Variants in ARHGAP42 observed in about 807,000 individuals in gnomAD.
ARHGAP42 encodes rho GTPase-activating protein 42.
In ARHGAP42, 63 loss-of-function variants were observed where a neutral mutation model predicts 125.0. The ratio of observed to expected loss-of-function variants is 0.50; its 90% CI spans 0.41 to 0.62. The LOEUF (loss-of-function observed/expected upper bound fraction) is 0.62, where lower values mean the gene tolerates loss of function less well. ARHGAP42 is among the 20% of genes least tolerant of loss of function. ARHGAP42 has a pLI of 0.00. For synonymous variants in ARHGAP42, 339 were observed against 351.0 expected, an observed-to-expected ratio of 0.97 and a Z score of 0.38; for missense variants, 766 against 1,024.2, an observed-to-expected ratio of 0.75 and a Z score of 3.44.
intron 4 of ARHGAP42, among the ~76,000 whole-genome samples, chr11:100,878,138 C>G (rs1865869255): frequency 6.8e-6 from 1 of 146,596 alleles, no homozygotes; most frequent in Non-Finnish European, 1.5e-5. Flanking sequence ...TTCTTTTTTT[C>G]TTTTTTTGAG....
At chr11:100,854,054 A>C (rs1238160376) in intron 3 of ARHGAP42, among the ~76,000 whole-genome samples, 6 of 152,148 alleles carry the variant, frequency 3.9e-5, no homozygotes, top group Non-Finnish European at 7.4e-5. Flanking sequence ...TCATGAGATA[A>C]GGACATATTA....
intron 17 of ARHGAP42, among the ~76,000 whole-genome samples, chr11:100,970,592 A>C (rs1202048320): frequency 6.6e-6 from 1 of 152,012 alleles, no homozygotes; most frequent in East Asian, 1.9e-4. Flanking sequence ...TTAAAAAAAA[A>C]ACAAACAGTC....
chr11:100,735,989 G>A (rs1862060306), intron 1 of ARHGAP42, among the ~76,000 whole-genome samples: 1 of 152,166 alleles, frequency 6.6e-6, no homozygotes, highest in East Asian at 1.9e-4. Flanking sequence ...GTAGTCATAT[G>A]TACTGTGTTC....
intron 21 of ARHGAP42, 107 bp downstream of exon 21, chr11:100,977,078 C>T: frequency 7.7e-7 from 1 of 1,301,536 alleles, no homozygotes; most frequent in African/African-American, 1.5e-5. Flanking sequence ...ATTGGGAATA[C>T]TTTATCTGTA....
At chr11:100,825,766 G>T (rs1159990072) in intron 3 of ARHGAP42, among the ~76,000 whole-genome samples, 1 of 152,130 alleles carries the variant, frequency 6.6e-6, no homozygotes, top group Non-Finnish European at 1.5e-5. Context: ...GTCTTTACAA[G>T]TCCAGCTTGT....
At chr11:100,726,667 A>G (rs1234878623) in intron 1 of ARHGAP42, among the ~76,000 whole-genome samples, 6 of 152,170 alleles carry the variant, frequency 3.9e-5, no homozygotes, top group Admixed American at 6.5e-5. Context: ...TCATATCTGT[A>G]ATTTACATGG....
At position 100,765,517 on chromosome 11, in the gene ARHGAP42, C is replaced by G. The variant is rs568855365; in HGVS notation, c.155-4826C>G. Among the ~76,000 whole-genome samples, 6 of 152,208 alleles carry G rather than the reference C, an allele frequency of 3.9e-5. No homozygotes were observed. In the East Asian group the frequency reaches 1.2e-3, roughly 29 times the overall value. On this transcript the variant is annotated intron_variant, in intron 1 of 23. Transcript: ENST00000298815. ...TGGGTGTGATGGCATCTAGTTCTTG[C>G]GGCTATTGTGAGGACTAATGGGTTA...
intron 3 of ARHGAP42, among the ~76,000 whole-genome samples, chr11:100,820,193 G>A (rs1389149443): frequency 2.0e-5 from 3 of 152,038 alleles, no homozygotes; most frequent in South Asian, 2.1e-4. Flanking sequence ...CTTTTTCTCT[G>A]TTTCATGACA....
intron 7 of ARHGAP42, among the ~76,000 whole-genome samples, chr11:100,935,124 T>C (rs1867697325): frequency 6.9e-6 from 1 of 144,332 alleles, no homozygotes; most frequent in Non-Finnish European, 1.5e-5. Flanking sequence ...AAAATTTTCC[T>C]AATTTTGAGA....
At chr11:100,864,524 C>T (rs1040563612) in intron 4 of ARHGAP42, among the ~76,000 whole-genome samples, 11 of 152,056 alleles carry the variant, frequency 7.2e-5, no homozygotes, top group Non-Finnish European at 1.6e-4. Context: ...TGTGGATAAA[C>T]AAATGTATGT....
At chr11:100,948,637 T>C (rs556378210) in intron 11 of ARHGAP42, 102 bp downstream of exon 11, 3 of 896,858 alleles carry the variant, frequency 3.3e-6, no homozygotes, top group South Asian at 2.7e-5. Flanking sequence ...TGTAGTATAA[T>C]TGAAAATATT....
chr11:100,850,884 T>C (rs1323314037), intron 3 of ARHGAP42, among the ~76,000 whole-genome samples: 2 of 91,626 alleles, frequency 2.2e-5, no homozygotes, highest in African/African-American at 3.1e-5. Flanking sequence ...TTTTTTTTTT[T>C]TTTTTTTTTT....
intron 4 of ARHGAP42, among the ~76,000 whole-genome samples, chr11:100,889,039 C>G (rs11600273): frequency 0.085 from 12,915 of 152,172 alleles, 654 homozygotes; most frequent in Non-Finnish European, 0.11. Context: ...GTGTTATATC[C>G]TCTCCTCTAC....
chr11:100,706,179 G>A (rs902424922), intron 1 of ARHGAP42, among the ~76,000 whole-genome samples: 1 of 152,036 alleles, frequency 6.6e-6, no homozygotes, highest in Non-Finnish European at 1.5e-5. Flanking sequence ...CCTTATCTGA[G>A]ATTTTGTGAT....
At chr11:100,837,666 CTTTTTTTTTTTTTTTTTTT>C (rs373059302) in intron 3 of ARHGAP42, among the ~76,000 whole-genome samples, 1 of 61,042 alleles carries the variant, frequency 1.6e-5, no homozygotes, top group South Asian at 7.2e-4. Flanking sequence ...AGGTGTCATC[CTTTTTTTTTTTTTTTTTTT>C]TTTTTTTTTT....
At chr11:100,933,292 G>A in intron 7 of ARHGAP42, 32 bp downstream of exon 7, 1 of 1,398,708 alleles carries the variant, frequency 7.1e-7, no homozygotes, top group Non-Finnish European at 9.7e-7. Flanking sequence ...CTGTCTCTCA[G>A]CAAATCTGCA....
At chr11:100,771,500 A>C (rs187873719) in intron 2 of ARHGAP42, among the ~76,000 whole-genome samples, 2 of 152,318 alleles carry the variant, frequency 1.3e-5, no homozygotes, top group East Asian at 3.9e-4. Context: ...AGAGGATATT[A>C]CTAAGTGTAC....
chr11:100,830,930 T>A (rs1269801170), intron 3 of ARHGAP42, among the ~76,000 whole-genome samples: 2 of 152,110 alleles, frequency 1.3e-5, no homozygotes, highest in Non-Finnish European at 2.9e-5. Context: ...TTTTCTTCCC[T>A]TCTTAAAATA....
At chr11:100,833,212 G>C (rs574063641) in intron 3 of ARHGAP42, among the ~76,000 whole-genome samples, 2 of 152,160 alleles carry the variant, frequency 1.3e-5, no homozygotes, top group Admixed American at 6.5e-5. Flanking sequence ...GAAATAAATA[G>C]GACCAATTTG....
Sources: gnomAD v4.1 joint callset for allele counts (sites outside exome capture counted in the v4.1 genomes callset) on GRCh38, gnomAD v4.1.1 for gene constraint, MANE v1.5 for transcripts, NCBI Gene and HGNC (gene_info 2026-07-23, HGNC 2026-07-21) for gene names.